CRTAC1: variants seen among roughly 807,000 people sequenced by gnomAD.
CRTAC1 encodes cartilage acidic protein 1.
Under a neutral mutation model 67.8 loss-of-function variants are expected in CRTAC1, and 37 were observed. The observed-to-expected ratio is 0.55, with a 90% CI of 0.42 to 0.72. The LOEUF is 0.72. CRTAC1 is among the 30% of genes least tolerant of loss of function. CRTAC1 has a pLI of 0.00. For synonymous variants in CRTAC1, 348 were observed against 371.0 expected (o/e 0.94, Z 0.71); for missense variants, 780 against 931.6 (o/e 0.84, Z 2.12).
Position 97,917,320 on chromosome 10 carries a change from G to A in CRTAC1, c.715+180C>T, listed in dbSNP as rs549311192. ...CAGATATCTCACCAATGCTTGGAGAGGCAGTGTGGGAGAAGCCTTCTGTGG... is the reference window on the plus strand; with the variant it reads ...CAGATATCTCACCAATGCTTGGAGAAGCAGTGTGGGAGAAGCCTTCTGTGG... On this transcript the variant is annotated intron_variant, in intron 5 of 14. Transcript: ENST00000370597. Among the ~76,000 whole-genome samples the A allele has an allele frequency of 2.3e-4, 35 of 152,326 alleles. 1 individual carries two copies. Among genetic ancestry groups the A allele is most frequent in the Admixed American group, 1.8e-3 (28 of 15,306 alleles).
At chr10:97,904,873 C>A (rs992983508) in intron 6 of CRTAC1, 59 bp from the exon 7 acceptor site, 1 of 1,503,354 alleles carries the variant, frequency 6.7e-7, no homozygotes. Flanking sequence ...CACAAACACT[C>A]ACCCTGCTCT....
chr10:97,997,791 A>G (rs553032872), intron 2 of CRTAC1, among the ~76,000 whole-genome samples: 2 of 152,382 alleles, frequency 1.3e-5, no homozygotes, highest in Admixed American at 1.3e-4. Flanking sequence ...GTTTAGATGC[A>G]ATTGAAGAAA....
chr10:97,871,829 C>A (rs1427136473), intron 14 of CRTAC1, among the ~76,000 whole-genome samples: 1 of 152,188 alleles, frequency 6.6e-6, no homozygotes, highest in East Asian at 1.9e-4. Context: ...CAGAGAGAAA[C>A]TCGTGGGCAA....
chr10:97,986,539 C>G, intron 2 of CRTAC1, among the ~76,000 whole-genome samples: 1 of 152,022 alleles, frequency 6.6e-6, no homozygotes, highest in Non-Finnish European at 1.5e-5. Context: ...GAGGACAATA[C>G]AAAAAACAAA....
chr10:97,926,321 G>C (rs2050917952), intron 3 of CRTAC1, among the ~76,000 whole-genome samples: 1 of 152,200 alleles, frequency 6.6e-6, no homozygotes, highest in Admixed American at 6.5e-5. Context: ...CGAGGCCCCA[G>C]GTCTTGGTTT....
At chr10:97,920,586 G>A (rs924994432) in intron 4 of CRTAC1, among the ~76,000 whole-genome samples, 1 of 152,020 alleles carries the variant, frequency 6.6e-6, no homozygotes, top group Non-Finnish European at 1.5e-5. Context: ...CATTTCTAAC[G>A]AGTTCCCAGA....
At chr10:97,872,197 G>C (rs1351223387) in intron 14 of CRTAC1, among the ~76,000 whole-genome samples, 3 of 145,020 alleles carry the variant, frequency 2.1e-5, no homozygotes, top group Non-Finnish European at 3.0e-5. Flanking sequence ...GCCCATCTCA[G>C]GTTGGCAGGA....
chr10:97,986,077 G>T (rs551161833), intron 2 of CRTAC1, among the ~76,000 whole-genome samples: 3 of 152,312 alleles, frequency 2.0e-5, no homozygotes, highest in Admixed American at 6.5e-5. Context: ...TGGGAAAAGG[G>T]CTGGGCTCTG....
chr10:97,988,901 G>A (rs1176483409), intron 2 of CRTAC1, among the ~76,000 whole-genome samples: 1 of 152,248 alleles, frequency 6.6e-6, no homozygotes, highest in African/African-American at 2.4e-5. Context: ...TGGTGCTTCT[G>A]TGAAGGTATT....
At chr10:97,941,581 A>T (rs1053166604) in intron 2 of CRTAC1, among the ~76,000 whole-genome samples, 1 of 152,046 alleles carries the variant, frequency 6.6e-6, no homozygotes, top group Non-Finnish European at 1.5e-5. Context: ...ACAAAGGAGC[A>T]CCCAAATACT....
At chr10:97,921,416 G>A (rs1021074845) in intron 4 of CRTAC1, among the ~76,000 whole-genome samples, 1 of 152,228 alleles carries the variant, frequency 6.6e-6, no homozygotes, top group Non-Finnish European at 1.5e-5. Flanking sequence ...GGCAGGCAAG[G>A]TTCAATTCCT....
At chr10:97,898,929 C>T (rs2050497239) in intron 8 of CRTAC1, among the ~76,000 whole-genome samples, 1 of 152,104 alleles carries the variant, frequency 6.6e-6, no homozygotes, top group South Asian at 2.1e-4. Flanking sequence ...ATTAAGAGGG[C>T]TCCCTTTCAC....
intron 2 of CRTAC1, 79 bp downstream of exon 2, chr10:98,011,058 TG>T: frequency 8.3e-7 from 1 of 1,211,260 alleles, no homozygotes; most frequent in Non-Finnish European, 1.2e-6. Context: ...TGCAAGTCAC[TG>T]GGGTTTGGAG....
chr10:97,920,085 G>T (rs1199771405), intron 4 of CRTAC1, among the ~76,000 whole-genome samples: 1 of 152,114 alleles, frequency 6.6e-6, no homozygotes, highest in African/African-American at 2.4e-5. Context: ...ACTTTGAGAA[G>T]TTCTCAGCCA....
intron 8 of CRTAC1, 83 bp downstream of exon 8, chr10:97,901,420 T>G (rs2050539324): frequency 6.4e-7 from 1 of 1,572,392 alleles, no homozygotes; most frequent in Non-Finnish European, 8.7e-7. Context: ...ACCCTCCCCT[T>G]CTGATTCTTA....
Position 97,865,669 on chromosome 10 carries a change from G to A in CRTAC1, c.1865C>T (p.Ala622Val). Residue 622 changes from alanine (A) to valine (V), a missense_variant, in exon 15 of 15, where the codon GCT (alanine) becomes GTT (valine). Physicochemically the swap from Ala to Val is moderately conservative, Grantham distance 64 (BLOSUM62 0). Transcript: ENST00000370597. ...SPGPRPTTPTAAAATAAAAAA... is the reference protein window; with the variant it reads ...SPGPRPTTPTVAAATAAAAAA... ...AGCAGCAGCGGCAGTGGCAGCAGCAGCGGTGGGGGTGGTGGGGCGGGGGCC... is the reference window on the plus strand; with the variant it reads ...AGCAGCAGCGGCAGTGGCAGCAGCAACGGTGGGGGTGGTGGGGCGGGGGCC... 6.2e-7 allele frequency: 1 copy of A among 1,609,928 alleles called. No individual in the cohort carries two copies. Among genetic ancestry groups the A allele is most frequent in the Non-Finnish European group, 8.5e-7 (1 of 1,178,164 alleles).
chr10:97,993,122 T>C (rs537812955), intron 2 of CRTAC1, among the ~76,000 whole-genome samples: 1 of 152,336 alleles, frequency 6.6e-6, no homozygotes, highest in Non-Finnish European at 1.5e-5. Flanking sequence ...AGAATTTCAC[T>C]GCCTCTCCTG....
intron 1 of CRTAC1, among the ~76,000 whole-genome samples, chr10:98,025,232 G>C (rs1386017177): frequency 6.6e-6 from 1 of 152,118 alleles, no homozygotes; most frequent in Non-Finnish European, 1.5e-5. Flanking sequence ...CTCAATCTTG[G>C]TGTTAATGAC....
At chr10:97,999,438 G>T (rs1842646503) in intron 2 of CRTAC1, among the ~76,000 whole-genome samples, 1 of 152,250 alleles carries the variant, frequency 6.6e-6, no homozygotes, top group Non-Finnish European at 1.5e-5. Context: ...CAGGCTCAGG[G>T]CAGTGCTGAC....
Sources: allele counts gnomAD v4.1 joint callset (sites outside exome capture counted in the v4.1 genomes callset), GRCh38; gene constraint gnomAD v4.1.1; transcripts MANE v1.5; gene names NCBI Gene and HGNC (gene_info 2026-07-23, HGNC 2026-07-21).